AP3D1: variants seen among roughly 807,000 people sequenced by gnomAD.
The protein encoded by AP3D1 is AP-3 complex subunit delta-1.
AP3D1 carries 51 observed loss-of-function variants against 147.6 expected under a neutral mutation model. That is an observed-to-expected ratio of 0.35 (90% CI 0.28 to 0.44). The LOEUF is 0.44. Among genes scored for constraint, AP3D1 ranks in the 20% least tolerant of loss-of-function variants. AP3D1 has a pLI of 1.00. For missense variants in AP3D1, 1,421 were observed against 1,624.2 expected, an observed-to-expected ratio of 0.87 and a Z score of 2.15; for synonymous variants, 760 against 663.0, an observed-to-expected ratio of 1.15 and a Z score of -2.25.
intron 1 of AP3D1, among the ~76,000 whole-genome samples, chr19:2,157,313 G>A (rs906785543): frequency 1.3e-5 from 2 of 150,474 alleles, no homozygotes; most frequent in Non-Finnish European, 3.0e-5. Flanking sequence ...GTAGTGGCGG[G>A]CGCCTGTAGT....
At chr19:2,130,571 T>C (rs2018911553) in intron 5 of AP3D1, 34 bp from the exon 6 acceptor site, 1 of 1,611,104 alleles carries the variant, frequency 6.2e-7, no homozygotes, top group African/African-American at 1.3e-5. Context: ...TGCGCGGGCT[T>C]TCTGCGCCTC....
chr19:2,120,928 C>T lies in AP3D1; in HGVS notation c.1415G>A (p.Ser472Asn). 1 of 1,611,786 alleles carries T rather than the reference C, an allele frequency of 6.2e-7. No homozygotes were observed. The highest frequency in any genetic ancestry group is 1.1e-5 in the South Asian group (1 of 91,088). The change falls in exon 14 of 32, where the codon AGC (serine) becomes AAC (asparagine). Residue 472 changes from serine to asparagine, a missense_variant. Coordinates refer to ENST00000643116, the MANE Select transcript of AP3D1 (RefSeq NM_001261826.3). ...LLDSAHLLAS[S>N]TQRNGICEVL... The stretch of plus-strand genomic sequence containing the variant: ...CTCACAGATCCCGTTCCGCTGGGTG[C>T]TGCTGGCCAGCAGGTGTGCACTGTC...
Position 2,129,390 on chromosome 19 carries a change from G to A in AP3D1, c.660C>T (p.Ser220=), listed in dbSNP as rs747271995. Residue 220 remains serine, a synonymous_variant, in exon 7 of 32, where the codon TCC becomes TCT. Coordinates refer to ENST00000643116, the MANE Select transcript of AP3D1 (RefSeq NM_001261826.3). ...LARRNPKNYL[S]LAPLFFKLMT... is the part of the protein sequence containing the mutation. ...TCAGCTTGAAAAAGAGCGGGGCCAG[G>A]GACAGGTAGTTCTTAGGGTTGCGTC... The A allele has an allele frequency of 3.7e-5, 59 of 1,613,992 alleles. No individual in the cohort carries two copies. The East Asian group carries it at 1.2e-3, about 34-fold the overall frequency.
At chr19:2,154,669 C>T (rs1483349896), upstream of AP3D1, among the ~76,000 whole-genome samples, 1 of 152,224 alleles carries the variant, frequency 6.6e-6, no homozygotes, top group African/African-American at 2.4e-5. Context: ...CAAGGCAGGA[C>T]TCTAATCTGA....
At chr19:2,139,144 C>G (rs2019155343) in intron 1 of AP3D1, among the ~76,000 whole-genome samples, 1 of 151,058 alleles carries the variant, frequency 6.6e-6, no homozygotes, top group Admixed American at 6.6e-5. Context: ...ATGAAATGTC[C>G]AGATCAGGCC....
At chr19:2,111,260 GC>G in intron 26 of AP3D1, 24 bp downstream of exon 26, 2 of 1,613,618 alleles carry the variant, frequency 1.2e-6, no homozygotes, top group Non-Finnish European at 1.7e-6. Context: ...GGCCCACCCT[GC>G]CCCTGGGAGC....
In AP3D1 at chr19:2,130,328, C is replaced by A. The variant is rs1297530000; in HGVS notation, c.592+80G>T. On this transcript the variant is annotated intron_variant, in intron 6 of 31. Transcript: ENST00000643116. ...CTTCACCACTCCCCGCAGCACCCCCCAAAACACGCCACCACCTCTTCCCAG... is the reference window on the plus strand; with the variant it reads ...CTTCACCACTCCCCGCAGCACCCCCAAAAACACGCCACCACCTCTTCCCAG... 4.4e-6 allele frequency: 7 copies of A among 1,590,624 alleles called. No homozygotes were observed. The African/African-American group carries it at 6.7e-5, about 15-fold the overall frequency.
chr19:2,118,178 A>G (rs971799557), intron 15 of AP3D1, among the ~76,000 whole-genome samples: 5 of 152,140 alleles, frequency 3.3e-5, no homozygotes, highest in Non-Finnish European at 7.4e-5. Flanking sequence ...AAAACAAAAC[A>G]AAAAACAAGC....
At position 2,110,067 on chromosome 19, in the gene AP3D1, C is replaced by G. The variant is rs1599441809; in HGVS notation, c.3264+69G>C. 18 of 1,590,168 alleles carry G rather than the reference C, an allele frequency of 1.1e-5. No homozygotes were observed. In the East Asian group the frequency reaches 4.1e-4, roughly 36 times the overall value. Reference sequence around the variant, plus strand: ...TCCCCTAGGGACACCTGGACACCCACTGCGATGGGGCAGGAGGAGCCCCTG... The same window carrying G: ...TCCCCTAGGGACACCTGGACACCCAGTGCGATGGGGCAGGAGGAGCCCCTG... On this transcript the variant is annotated intron_variant, in intron 28 of 31. Transcript: ENST00000643116.
chr19:2,148,028 G>C (rs548245862), intron 1 of AP3D1, among the ~76,000 whole-genome samples: 1 of 151,376 alleles, frequency 6.6e-6, no homozygotes, highest in Admixed American at 6.6e-5. Flanking sequence ...AAAATTAGAC[G>C]GGCGTGGTGG....
Position 2,112,929 on chromosome 19 carries a change from G to A in AP3D1, c.2718C>T (p.Asp906=), listed in dbSNP as rs377686701. The change falls in exon 24 of 32, where the codon GAC becomes GAT. Residue 906 remains aspartate (D), a synonymous_variant. Transcript: ENST00000643116. The part of the protein sequence containing the change: ...LSVNTVTTPK[D]ECEDAKTEAQ... ...CCTCCGTCTTGGCGTCCTCACACTC[G>A]TCCTTCGGGGTAGTGACAGTGTTCA... The A allele has an allele frequency of 9.9e-6, 16 of 1,613,106 alleles. No homozygotes were observed. Among genetic ancestry groups the A allele is most frequent in the Admixed American group, 3.3e-5 (2 of 59,974 alleles).
Position 2,151,404 on chromosome 19 carries a change from G to A in AP3D1, c.-70C>T, listed in dbSNP as rs1038826008. 26 of 1,053,426 alleles carry A rather than the reference G, an allele frequency of 2.5e-5. No individual in the cohort carries two copies. The highest frequency in any genetic ancestry group is 2.9e-5 in the Non-Finnish European group (24 of 833,490). 65.3% of individuals were successfully genotyped at this position (1,053,426 alleles called of 1,614,324 possible). A position where few individuals can be genotyped will look rare whatever the true frequency, so the allele number is the denominator to read the frequency against. ...CGCCGTGAGGGGGCCCGGGGCCCGT[G>A]CCTGCCGCCCGCGGAGCGCCGCGCT... On this transcript the variant is annotated 5_prime_UTR_variant, in exon 1 of 32. Coordinates refer to ENST00000643116, the MANE Select transcript of AP3D1 (RefSeq NM_001261826.3).
rs1254194201 is a variant in AP3D1, at chr19:2,114,772, C to G, written c.2399G>C (p.Arg800Thr). Reference sequence around the variant, plus strand: ...CTTATCCAGGTCAATATCCAGAGCCCTGTAGGGGTCGTTGGGGTCTTTGTC... The same window carrying G: ...CTTATCCAGGTCAATATCCAGAGCCGTGTAGGGGTCGTTGGGGTCTTTGTC... The part of the protein sequence containing the change: ...EDDKDPNDPY[R>T]ALDIDLDKPL... The change falls in exon 21 of 32, where the codon AGG (arginine) becomes ACG (threonine). Residue 800 changes from arginine to threonine, a missense_variant. Coordinates refer to ENST00000643116, the MANE Select transcript of AP3D1 (RefSeq NM_001261826.3). The G allele has an allele frequency of 4.3e-6, 7 of 1,614,070 alleles. No individual in the cohort carries two copies. Among genetic ancestry groups the G allele is most frequent in the Non-Finnish European group, 5.9e-6 (7 of 1,179,954 alleles).
At chr19:2,164,214 G>A (rs1286844911) in intron 1 of AP3D1, 12 of 1,277,948 alleles carry the variant, frequency 9.4e-6, no homozygotes, top group Non-Finnish European at 1.2e-5. Context: ...TGAGACTGAA[G>A]TCGCCCGTGG....
chr19:2,114,351 C>T (rs745349395), intron 21 of AP3D1, 49 bp from the exon 22 acceptor site: 10 of 1,476,438 alleles, frequency 6.8e-6, no homozygotes, highest in South Asian at 4.6e-5. Flanking sequence ...GGCCACCCCC[C>T]AGGACCACTC....
Position 2,114,757 on chromosome 19 carries a change from T to C in AP3D1, c.2414A>G (p.Asp805Gly). 1 of 1,612,948 alleles carries C rather than the reference T, an allele frequency of 6.2e-7. No homozygotes were observed. The highest frequency in any genetic ancestry group is 8.5e-7 in the Non-Finnish European group (1 of 1,179,374). The change falls in exon 21 of 32, where the codon GAC (aspartate) becomes GGC (glycine). Residue 805 changes from aspartate (D) to glycine (G), a missense_variant. Transcript: ENST00000643116. ...PNDPYRALDI[D>G]LDKPLADSEK... is the part of the protein sequence containing the mutation. ...ACCCATATGGACTCACTTATCCAGG[T>C]CAATATCCAGAGCCCTGTAGGGGTC...
intron 1 of AP3D1, among the ~76,000 whole-genome samples, chr19:2,162,316 G>T (rs1304088845): frequency 2.0e-5 from 3 of 147,736 alleles, no homozygotes; most frequent in African/African-American, 7.4e-5. Flanking sequence ...GATTACAAGC[G>T]TGAGCCACCG....
chr19:2,164,056 A>T, intron 1 of AP3D1: 1 of 506,668 alleles, frequency 2.0e-6, no homozygotes, highest in Non-Finnish European at 2.6e-6. Context: ...GCGGCGGCCG[A>T]GGCCGAGGCC....
intron 8 of AP3D1, among the ~76,000 whole-genome samples, chr19:2,127,598 C>T (rs1311175784): frequency 6.6e-6 from 1 of 152,222 alleles, no homozygotes; most frequent in African/African-American, 2.4e-5. Context: ...GGCCTCGGCT[C>T]ACTGCGACCT....
Sources: gnomAD v4.1 joint callset for allele counts (sites outside exome capture counted in the v4.1 genomes callset) on GRCh38, gnomAD v4.1.1 for gene constraint, MANE v1.5 for transcripts, NCBI Gene and HGNC (gene_info 2026-07-23, HGNC 2026-07-21) for gene names.